Variants in LUZP1 observed in about 807,000 individuals in gnomAD.
LUZP1 encodes leucine zipper protein 1.
LUZP1 carries 25 observed loss-of-function variants against 71.3 expected under a neutral mutation model. The observed-to-expected ratio is 0.35, with a 90% CI of 0.26 to 0.49. The LOEUF (loss-of-function observed/expected upper bound fraction) is 0.49, where lower values mean the gene tolerates loss of function less well. LUZP1 is among the 20% of genes least tolerant of loss of function. The probability of loss-of-function intolerance (pLI) is 0.99; values close to 1 mark genes in which losing one functional copy is unlikely to be tolerated. For missense variants in LUZP1, 1,142 were observed against 1,300.8 expected, an observed-to-expected ratio of 0.88 and a Z score of 1.88; for synonymous variants, 481 against 506.4, an observed-to-expected ratio of 0.95 and a Z score of 0.67.
chr1:23,158,647 C>CAAAA (rs56919514), intron 2 of LUZP1, among the ~76,000 whole-genome samples: 6 of 59,908 alleles, frequency 1.0e-4, no homozygotes, highest in African/African-American at 2.2e-4. Flanking sequence ...GACTCTGTCT[C>CAAAA]AAAAAAAAAA....
intron 2 of LUZP1, among the ~76,000 whole-genome samples, chr1:23,127,237 C>T (rs1046561539): frequency 5.9e-5 from 9 of 152,136 alleles, no homozygotes; most frequent in Admixed American, 3.3e-4. Flanking sequence ...TTAGAGATTA[C>T]AAAATTGAAG....
chr1:23,129,829 C>T (rs2124683115), intron 2 of LUZP1, among the ~76,000 whole-genome samples: 2 of 152,174 alleles, frequency 1.3e-5, no homozygotes, highest in African/African-American at 4.8e-5. Flanking sequence ...ATATACGTAC[C>T]ATGTGCCAGA....
rs139651286 is a variant in LUZP1, at chr1:23,113,698, G to A, written c.-225-4571C>T. Among the ~76,000 whole-genome samples, 684 of 151,930 alleles carry A rather than the reference G, an allele frequency of 4.5e-3. 5 individuals are homozygous for A. Among genetic ancestry groups the A allele is most frequent in the African/African-American group, 0.016 (658 of 41,428 alleles). On this transcript the variant is annotated intron_variant, in intron 2 of 4. Transcript: ENST00000302291. ...AGATCGGGACCATTCTGACCAACAT[G>A]GTGAAACCCCGTCTCTACTAAAAAT...
intron 2 of LUZP1, among the ~76,000 whole-genome samples, chr1:23,141,952 C>A (rs1473317377): frequency 6.6e-6 from 1 of 151,812 alleles, no homozygotes; most frequent in Non-Finnish European, 1.5e-5. Flanking sequence ...TCAAGCAATT[C>A]TCCTGCCTCA....
exon 5 of LUZP1, chr1:23,085,470 AAGC>A (rs1483578605): frequency 6.6e-6 from 1 of 152,548 alleles, no homozygotes; most frequent in Non-Finnish European, 1.5e-5. Flanking sequence ...TAATCCCTAA[AAGC>A]AGCTCTTTCC....
chr1:23,127,051 T>C (rs552390355), intron 2 of LUZP1, among the ~76,000 whole-genome samples: 2 of 152,364 alleles, frequency 1.3e-5, no homozygotes, highest in East Asian at 1.9e-4. Context: ...CACTTCGCTC[T>C]ATTCTGCATT....
intron 3 of LUZP1, among the ~76,000 whole-genome samples, chr1:23,099,916 A>G (rs1019288383): frequency 6.6e-6 from 1 of 152,048 alleles, no homozygotes; most frequent in East Asian, 1.9e-4. Flanking sequence ...CTTCATCTAC[A>G]TCCTCGCCCT....
In LUZP1 at chr1:23,141,846, A is replaced by AT. The variant is rs58129873; in HGVS notation, c.-226+26919dup. 8.2e-3 allele frequency among the ~76,000 whole-genome samples: 1,173 copies of AT among 143,066 alleles called. 10 individuals are homozygous for AT. Among genetic ancestry groups the AT allele is most frequent in the African/African-American group, 0.021 (795 of 38,698 alleles). The allele number at this position is 143,066 out of a possible 152,430, so 93.9% of individuals were successfully genotyped here. On this transcript the variant is annotated intron_variant, in intron 2 of 4. Transcript: ENST00000302291. The stretch of plus-strand genomic sequence containing the variant: ...AGGCATACACCACAATGCCCAGCTA[A>AT]TTTTTTTTTTTTTTTTGAGACAGTT...
intron 2 of LUZP1, among the ~76,000 whole-genome samples, chr1:23,129,166 T>A (rs1644194995): frequency 6.6e-6 from 1 of 152,354 alleles, no homozygotes; most frequent in East Asian, 1.9e-4. Flanking sequence ...ATTGTGTGTA[T>A]GTGGTGGGGC....
intron 2 of LUZP1, among the ~76,000 whole-genome samples, chr1:23,117,511 GGGGGGGGC>G (rs199633533): frequency 0.071 from 5,885 of 83,470 alleles, 339 homozygotes; most frequent in South Asian, 0.12. Context: ...AAGCCCTGGG[GGGGGGGGC>G]GGGGGGGGGG....
intron 2 of LUZP1, among the ~76,000 whole-genome samples, chr1:23,118,578 G>A (rs1338920534): frequency 1.3e-5 from 2 of 152,162 alleles, no homozygotes; most frequent in Non-Finnish European, 2.9e-5. Context: ...ACAGAAGAAT[G>A]TATGTGAAAG....
intron 2 of LUZP1, among the ~76,000 whole-genome samples, chr1:23,135,574 T>C (rs917783100): frequency 6.6e-6 from 1 of 152,194 alleles, no homozygotes; most frequent in African/African-American, 2.4e-5. Flanking sequence ...GAATACATCA[T>C]TTTAATCAGG....
chr1:23,091,287 CT>C lies in LUZP1; in HGVS notation c.2974del (p.Arg992GlyfsTer18), dbSNP rs1643848557. On this transcript the variant is annotated frameshift_variant, in exon 4 of 5. Transcript: ENST00000302291. LOFTEE classifies it high-confidence loss of function. ...TGACACAGTGAGGCTACTTTGGGTCCTTCTGGAGGAGGGCTCAGGGGCATCC... is the reference window on the plus strand; with the variant it reads ...TGACACAGTGAGGCTACTTTGGGTCCTCTGGAGGAGGGCTCAGGGGCATCC... The C allele has an allele frequency of 6.2e-7, 1 of 1,613,920 alleles. No individual in the cohort carries two copies.
exon 5 of LUZP1, chr1:23,088,732 G>A: frequency 1.1e-6 from 1 of 944,156 alleles, no homozygotes; most frequent in Non-Finnish European, 1.5e-6. Flanking sequence ...ATTCCCTCTG[G>A]CCAAATGGCA....
rs1643882489 is a variant in LUZP1 at position 23,094,430 on chromosome 1, A to G, written c.-119-50T>C. On this transcript the variant is annotated intron_variant, in intron 3 of 4. Coordinates refer to ENST00000302291, the Ensembl canonical transcript of LUZP1. This position sits in a 1 kb window ranked among gnomAD's most constrained non-coding sequence, Gnocchi z 4.7. ...GTCAGTCAGCAAATGTAAAACCTGCACGTTAGCTCCCAGTTATAGAAAAGT... is the reference window on the plus strand; with the variant it reads ...GTCAGTCAGCAAATGTAAAACCTGCGCGTTAGCTCCCAGTTATAGAAAAGT... 1 of 1,329,172 alleles carries G rather than the reference A, an allele frequency of 7.5e-7. No individual in the cohort carries two copies. Among genetic ancestry groups the G allele is most frequent in the African/African-American group, 1.5e-5 (1 of 67,134 alleles). 82.3% of individuals were successfully genotyped at this position (1,329,172 alleles called of 1,614,324 possible). A position where few individuals can be genotyped will look rare whatever the true frequency, so the allele number is the denominator to read the frequency against.
At chr1:23,103,904 G>GAGGGA (rs1557641427) in intron 3 of LUZP1, among the ~76,000 whole-genome samples, 1 of 33,810 alleles carries the variant, frequency 3.0e-5, no homozygotes, top group African/African-American at 1.2e-4. Flanking sequence ...GGGAGGGAGG[G>GAGGGA]GGGAAGGAGG....
intron 2 of LUZP1, among the ~76,000 whole-genome samples, chr1:23,163,361 AC>A (rs1463248778): frequency 1.3e-5 from 2 of 151,268 alleles, no homozygotes; most frequent in African/African-American, 4.9e-5. Flanking sequence ...AGCCTGGGCA[AC>A]AAAGCAAAAC....
intron 2 of LUZP1, among the ~76,000 whole-genome samples, chr1:23,126,555 T>C (rs1161157302): frequency 6.6e-6 from 1 of 152,186 alleles, no homozygotes; most frequent in East Asian, 1.9e-4. Flanking sequence ...TAAGCTCTAT[T>C]AGAAAAGGGG....
chr1:23,117,532 C>A (rs1214283213), intron 2 of LUZP1, among the ~76,000 whole-genome samples: 10 of 94,970 alleles, frequency 1.1e-4, no homozygotes, highest in Non-Finnish European at 1.6e-4. Flanking sequence ...GGGGGGGGAA[C>A]ACCTTGAGAA....
Sources: allele counts gnomAD v4.1 joint callset (sites outside exome capture counted in the v4.1 genomes callset), GRCh38; gene constraint gnomAD v4.1.1; non-coding constraint Gnocchi (gnomAD v3.1); transcripts MANE v1.5; gene names NCBI Gene and HGNC (gene_info 2026-07-23, HGNC 2026-07-21).